The following ACO2 variants were observed in gnomAD, a reference collection of about 807,000 sequenced individuals.
ACO2 encodes the protein aconitase 2, also known as aconitate hydratase, mitochondrial.
ACO2 carries 31 observed loss-of-function variants against 84.5 expected under a neutral mutation model. The ratio of observed to expected loss-of-function variants is 0.37; its 90% CI spans 0.28 to 0.50. The LOEUF (loss-of-function observed/expected upper bound fraction) is 0.50. Among genes scored for constraint, ACO2 ranks in the 20% least tolerant of loss-of-function variants. ACO2 has a pLI of 0.97. For missense variants in ACO2, 685 were observed against 1,029.3 expected, an observed-to-expected ratio of 0.67 and a Z score of 4.58; for synonymous variants, 414 against 412.7, an observed-to-expected ratio of 1.00 and a Z score of -0.04.
At chr22:41,528,106 C>T in intron 17 of ACO2, 84 bp downstream of exon 17, 1 of 1,576,666 alleles carries the variant, frequency 6.3e-7, no homozygotes, top group South Asian at 1.1e-5. Context: ...AGGGTAGCTT[C>T]TCCCAGGAGG....
intron 2 of ACO2, among the ~76,000 whole-genome samples, chr22:41,504,980 G>T (rs1357038498): frequency 6.6e-6 from 1 of 151,808 alleles, no homozygotes. Context: ...CTCCTAAAGT[G>T]CTAGGATGAC....
chr22:41,518,434 A>G (rs2066492984), intron 7 of ACO2, 47 bp from the exon 8 acceptor site: 1 of 1,466,608 alleles, frequency 6.8e-7, no homozygotes, highest in Admixed American at 1.7e-5. Context: ...ACTCTCAAGA[A>G]CAGTTTATGT....
intron 1 of ACO2, among the ~76,000 whole-genome samples, chr22:41,474,926 G>C (rs2037994710): frequency 6.6e-6 from 1 of 151,906 alleles, no homozygotes; most frequent in South Asian, 2.1e-4. Context: ...AATTAGCTAA[G>C]GGCAGAATCT....
intron 1 of ACO2, among the ~76,000 whole-genome samples, chr22:41,494,242 G>A (rs779678280): frequency 1.3e-5 from 2 of 152,172 alleles, no homozygotes; most frequent in Non-Finnish European, 2.9e-5. Context: ...CAGCAGGCAC[G>A]TGGGTCACTC....
At chr22:41,513,470 TG>T (rs1254047004) in intron 4 of ACO2, among the ~76,000 whole-genome samples, 3 of 152,230 alleles carry the variant, frequency 2.0e-5, no homozygotes, top group East Asian at 3.8e-4. Flanking sequence ...CCTTTCCCTC[TG>T]GGAAGTGCCC....
intron 2 of ACO2, among the ~76,000 whole-genome samples, chr22:41,503,954 C>T (rs1343124485): frequency 2.0e-5 from 3 of 152,232 alleles, no homozygotes; most frequent in African/African-American, 7.2e-5. Context: ...TAGCCCACGC[C>T]TGTAATCCCG....
At chr22:41,527,605 C>T (rs923088039) in intron 16 of ACO2, 185 bp downstream of exon 16, 26 of 904,480 alleles carry the variant, frequency 2.9e-5, no homozygotes, top group African/African-American at 1.0e-4. Context: ...CCCGGCTTCC[C>T]GCAGGCCCTG....
At chr22:41,508,676 T>TC (rs1223900732) in intron 3 of ACO2, among the ~76,000 whole-genome samples, 1 of 152,162 alleles carries the variant, frequency 6.6e-6, no homozygotes, top group Non-Finnish European at 1.5e-5. Flanking sequence ...TGAAGGCTTT[T>TC]CCCCCACCCT....
At chr22:41,524,221 A>G (rs2066555314) in intron 12 of ACO2, among the ~76,000 whole-genome samples, 1 of 152,202 alleles carries the variant, frequency 6.6e-6, no homozygotes, top group Admixed American at 6.5e-5. Context: ...AACTCGCTGT[A>G]TGAGTGTGGC....
intron 9 of ACO2, among the ~76,000 whole-genome samples, chr22:41,521,030 G>C: frequency 1.0e-5 from 1 of 96,766 alleles, no homozygotes; most frequent in Non-Finnish European, 1.9e-5. Flanking sequence ...AACAGAGCCT[G>C]CCTCCAAAAA....
intron 1 of ACO2, among the ~76,000 whole-genome samples, chr22:41,475,897 C>CAAA (rs34893746): frequency 3.5e-5 from 4 of 112,936 alleles, no homozygotes; most frequent in Admixed American, 2.8e-4. Context: ...AACTCTGTCT[C>CAAA]AAAAAAAAAA....
At chr22:41,518,400 G>A (rs780039500) in intron 7 of ACO2, 81 bp from the exon 8 acceptor site, 9 of 1,069,454 alleles carry the variant, frequency 8.4e-6, no homozygotes, top group Non-Finnish European at 1.3e-5. Flanking sequence ...GTGTTTGGCA[G>A]GTGCTCAGGT....
chr22:41,528,615 G>A lies in ACO2; in HGVS notation c.*2G>A. The A allele has an allele frequency of 6.3e-7, 1 of 1,592,378 alleles. No homozygotes were observed. Among genetic ancestry groups the A allele is most frequent in the South Asian group, 1.1e-5 (1 of 87,726 alleles). ...AGAATGAAGGAACTGCAACAGTGAG[G>A]GCAGTGCCTCCCCGCCCCGCCGCTG... On this transcript the variant is annotated 3_prime_UTR_variant, in exon 18 of 18. Transcript: ENST00000216254.
At chr22:41,481,997 A>C (rs2038093762) in intron 1 of ACO2, among the ~76,000 whole-genome samples, 1 of 152,128 alleles carries the variant, frequency 6.6e-6, no homozygotes, top group Admixed American at 6.5e-5. Flanking sequence ...CCCACTTGGC[A>C]CAATTGTTAG....
intron 1 of ACO2, among the ~76,000 whole-genome samples, chr22:41,481,460 G>GT (rs1376609240): frequency 6.6e-6 from 1 of 152,244 alleles, no homozygotes; most frequent in Admixed American, 6.5e-5. Flanking sequence ...AAGCAGTGCT[G>GT]TATGCACCAT....
chr22:41,489,737 G>T (rs1227688744), intron 1 of ACO2, among the ~76,000 whole-genome samples: 2 of 151,816 alleles, frequency 1.3e-5, no homozygotes, highest in Non-Finnish European at 2.9e-5. Flanking sequence ...TGGTCCTGCT[G>T]TCGGTGGTGC....
At chr22:41,525,694 G>A in intron 14 of ACO2, 2 of 292,784 alleles carry the variant, frequency 6.8e-6, no homozygotes, top group Non-Finnish European at 1.3e-5. Flanking sequence ...CTCCACACCT[G>A]GCACGTCCAC....
chr22:41,520,600 T>C (rs974321626), intron 9 of ACO2, among the ~76,000 whole-genome samples: 2 of 151,472 alleles, frequency 1.3e-5, no homozygotes, highest in Non-Finnish European at 1.5e-5. Context: ...CCCAGCACTT[T>C]GGGAGGCCGA....
At chr22:41,520,022 C>T in intron 8 of ACO2, 149 bp from the exon 9 acceptor site, 1 of 653,460 alleles carries the variant, frequency 1.5e-6, no homozygotes, top group South Asian at 1.8e-5. Flanking sequence ...GCAGAGCCAA[C>T]TGCTCAGTTC....
Sources: allele counts gnomAD v4.1 joint callset (sites outside exome capture counted in the v4.1 genomes callset), GRCh38; gene constraint gnomAD v4.1.1; transcripts MANE v1.5; gene names NCBI Gene and HGNC (gene_info 2026-07-23, HGNC 2026-07-21).